ZNF143: variants seen among roughly 807,000 people sequenced by gnomAD.
ZNF143 encodes SPH-binding factor.
A neutral mutation model predicts 74.1 loss-of-function variants in ZNF143; 49 were observed. That is an observed-to-expected ratio of 0.66 (90% confidence interval 0.53 to 0.84). The LOEUF is 0.84. Among genes scored for constraint, ZNF143 ranks in the 40% least tolerant of loss-of-function variants. The pLI is 0.00. For synonymous variants in ZNF143, 304 were observed against 282.8 expected (o/e 1.07, Z -0.75); for missense variants, 637 against 793.4 (o/e 0.80, Z 2.37).
intron 7 of ZNF143, among the ~76,000 whole-genome samples, chr11:9,490,617 A>T (rs916191903): frequency 6.6e-6 from 1 of 151,670 alleles, no homozygotes; most frequent in East Asian, 1.9e-4. Context: ...TGGTATCCAG[A>T]CTCCTCCAGA....
At position 9,500,743 on chromosome 11, in the gene ZNF143, GGTTT is replaced by G. The variant is rs1174479333; in HGVS notation, c.968-344_968-341del. ...GGATACAAGCTTTTAGGGAATTCTG[GGTTT>G]GTTCTAATTTAATTCATATTCCTGA... On this transcript the variant is annotated intron_variant, in intron 10 of 15. Coordinates refer to ENST00000396602, the MANE Select transcript of ZNF143 (RefSeq NM_003442.6). Among the ~76,000 whole-genome samples, 3 of 152,048 alleles carry G rather than the reference GGTTT, an allele frequency of 2.0e-5. No individual in the cohort carries two copies. The East Asian group carries it at 5.8e-4, about 29-fold the overall frequency.
chr11:9,474,642 A>G lies in ZNF143; in HGVS notation c.373+9A>G. 1 of 1,612,756 alleles carries G rather than the reference A, an allele frequency of 6.2e-7. No individual in the cohort carries two copies. Among genetic ancestry groups the G allele is most frequent in the Non-Finnish European group, 8.5e-7 (1 of 1,178,746 alleles). ...TCACCACACCTCCAAAGGTAAAATA[A>G]CTTTGAAAGTATGAATAAAATAAGG... is the stretch of plus-strand genomic sequence containing the variant. On this transcript the variant is annotated intron_variant, in intron 5 of 15. Transcript: ENST00000396602.
Position 9,474,016 on chromosome 11 carries a change from C to T in ZNF143, c.281C>T (p.Pro94Leu), listed in dbSNP as rs1856739114. The change falls in exon 4 of 16, where the codon CCT becomes CTT. Residue 94 changes from proline (P) to leucine (L), a missense_variant. Around this residue, in one of 2 missense-constraint regions of ZNF143, gnomAD observed 293 missense variants for 307.8 expected, o/e 0.95. Transcript: ENST00000396602. ...GCCTATGTTCAACATGTACCCATACCTAAAAGTAGTAAGTATTTAAGATAA... is the reference window on the plus strand; with the variant it reads ...GCCTATGTTCAACATGTACCCATACTTAAAAGTAGTAAGTATTTAAGATAA... ...SAAYVQHVPI[P>L]KSTGDSLRLE... 1 of 1,611,360 alleles carries T rather than the reference C, an allele frequency of 6.2e-7. No individual in the cohort carries two copies. The highest frequency in any genetic ancestry group is 8.5e-7 in the Non-Finnish European group (1 of 1,177,826).
chr11:9,479,520 G>A lies in ZNF143; in HGVS notation c.619G>A (p.Glu207Lys). The A allele has an allele frequency of 6.2e-7, 1 of 1,613,124 alleles. No individual in the cohort carries two copies. Among genetic ancestry groups the A allele is most frequent in the Non-Finnish European group, 8.5e-7 (1 of 1,179,716 alleles). The change falls in exon 7 of 16, where the codon GAA becomes AAA. Residue 207 changes from glutamate (E) to lysine (K), a missense_variant. Glu to Lys is a moderately conservative substitution (Grantham distance 56). Around this residue, in one of 2 missense-constraint regions of ZNF143, gnomAD observed 293 missense variants for 307.8 expected, o/e 0.95. Transcript: ENST00000396602. ...TGTAGCAGGTACTGGAATGATTGGA[G>A]AAAATGAGCAAGAGAAAAAAATGCA... ...ESVAGTGMIGENEQEKKMQIV... is the reference protein window; with the variant it reads ...ESVAGTGMIGKNEQEKKMQIV...
intron 14 of ZNF143, among the ~76,000 whole-genome samples, chr11:9,518,111 A>G (rs1247318655): frequency 6.6e-6 from 1 of 152,256 alleles, no homozygotes; most frequent in Non-Finnish European, 1.5e-5. Flanking sequence ...TGTACAAATC[A>G]TTCCGTTGCT....
At chr11:9,506,200 C>T (rs1423026822) in intron 11 of ZNF143, among the ~76,000 whole-genome samples, 1 of 152,076 alleles carries the variant, frequency 6.6e-6, no homozygotes, top group East Asian at 1.9e-4. Context: ...GGTGTGGTGG[C>T]AGCTGCCTGT....
intron 11 of ZNF143, among the ~76,000 whole-genome samples, chr11:9,508,006 T>C (rs1848422204): frequency 6.6e-6 from 1 of 152,250 alleles, no homozygotes; most frequent in Admixed American, 6.5e-5. Context: ...AAAATATGTG[T>C]ACTGCCTATA....
In ZNF143 at chr11:9,483,288, C is replaced by CTTTTTTTTTTT. The variant is rs58704619; in HGVS notation, c.645+3758_645+3768dup. Among the ~76,000 whole-genome samples the CTTTTTTTTTTT allele has an allele frequency of 8.0e-5, 4 of 50,206 alleles. 2 individuals are homozygous for CTTTTTTTTTTT. The highest frequency in any genetic ancestry group is 1.4e-4 in the Non-Finnish European group (4 of 28,064). The allele number at this position is 50,206 out of a possible 152,430, so 32.9% of individuals were successfully genotyped here. On this transcript the variant is annotated intron_variant, in intron 7 of 15. Coordinates refer to ENST00000396602, the MANE Select transcript of ZNF143 (RefSeq NM_003442.6). ...GGATTACAGGTGTGAGCCAACATGC[C>CTTTTTTTTTTT]TTTTTTTTTTTTTTTTTTTTTTTTT...
At chr11:9,515,040 AT>A (rs1307035763) in intron 13 of ZNF143, among the ~76,000 whole-genome samples, 2 of 151,966 alleles carry the variant, frequency 1.3e-5, no homozygotes, top group Non-Finnish European at 2.9e-5. Context: ...AGGCAGGAGA[AT>A]TGCTTGAATC....
At chr11:9,519,059 A>G (rs1165921737) in intron 14 of ZNF143, among the ~76,000 whole-genome samples, 1 of 152,218 alleles carries the variant, frequency 6.6e-6, no homozygotes, top group African/African-American at 2.4e-5. Context: ...TAAATTTACA[A>G]TTCAATGAGT....
chr11:9,505,878 CAAAAAAA>C (rs1177848404), intron 11 of ZNF143, among the ~76,000 whole-genome samples: 22 of 66,858 alleles, frequency 3.3e-4, no homozygotes, highest in East Asian at 1.2e-3. Context: ...GACTCCATAT[CAAAAAAA>C]AAAAAAAAAA....
intron 8 of ZNF143, among the ~76,000 whole-genome samples, chr11:9,495,242 A>AGAACAGCCTGACCAACATGGTG (rs1847919336): frequency 6.6e-6 from 1 of 152,166 alleles, no homozygotes; most frequent in Non-Finnish European, 1.5e-5. Context: ...TCAGGAGTTC[A>AGAACAGCCTGACCAACATGGTG]AGAACAGCCT....
intron 7 of ZNF143, among the ~76,000 whole-genome samples, chr11:9,488,807 A>G (rs1847660247): frequency 6.6e-6 from 1 of 152,150 alleles, no homozygotes; most frequent in Admixed American, 6.6e-5. Context: ...AGGAAGTGGT[A>G]GGGAGTTATG....
chr11:9,512,837 T>G (rs1233572879), intron 13 of ZNF143, among the ~76,000 whole-genome samples: 1 of 152,028 alleles, frequency 6.6e-6, no homozygotes, highest in East Asian at 1.9e-4. Context: ...ATGATAAAGG[T>G]CAGCCACAGA....
intron 7 of ZNF143, among the ~76,000 whole-genome samples, chr11:9,485,083 CA>C (rs1847416836): frequency 6.6e-6 from 1 of 150,810 alleles, no homozygotes; most frequent in African/African-American, 2.5e-5. Flanking sequence ...AGGCGTGACC[CA>C]CCGCGCCCGG....
chr11:9,508,026 A>T (rs190521421), intron 11 of ZNF143, among the ~76,000 whole-genome samples: 182 of 152,298 alleles, frequency 1.2e-3, no homozygotes, highest in Non-Finnish European at 2.0e-3. Context: ...AATGTTCTCA[A>T]GCTGTTTCAT....
Position 9,476,976 on chromosome 11 carries a change from A to G in ZNF143, c.374-1414A>G, listed in dbSNP as rs181617770. ...GCGGGGTTTCACCGTGTTAGCCAGG[A>G]TGGTCTCGGTCTCCTGACCTTGTGA... On this transcript the variant is annotated intron_variant, in intron 5 of 15. Transcript: ENST00000396602. Among the ~76,000 whole-genome samples, 349 of 150,782 alleles carry G rather than the reference A, an allele frequency of 2.3e-3. 7 individuals carry two copies. Among genetic ancestry groups the G allele is most frequent in the African/African-American group, 7.9e-3 (325 of 41,204 alleles).
At chr11:9,473,156 C>T (rs889760766) in intron 3 of ZNF143, among the ~76,000 whole-genome samples, 2 of 151,840 alleles carry the variant, frequency 1.3e-5, no homozygotes, top group African/African-American at 2.4e-5. Context: ...TTTGGAAGGC[C>T]GAGGCGGGCA....
rs1477531952 is a variant in ZNF143, at chr11:9,486,371, A to ATAATATATTATAT, written c.645+6825_645+6826insTAATATATTATAT. Among the ~76,000 whole-genome samples, 2 of 36,720 alleles carry ATAATATATTATAT rather than the reference A, an allele frequency of 5.4e-5. 1 individual carries two copies. The highest frequency in any genetic ancestry group is 2.5e-4 in the African/African-American group (2 of 7,912). The allele number at this position is 36,720 out of a possible 152,430, so 24.1% of individuals were successfully genotyped here. On this transcript the variant is annotated intron_variant, in intron 7 of 15. Transcript: ENST00000396602. ...TATATATTATATATATATTATATATAATATATTATATATATAATATATATA... is the reference window on the plus strand; with the variant it reads ...TATATATTATATATATATTATATATATAATATATTATATATATATTATATATATAATATATATA...
Sources: allele counts gnomAD v4.1 joint callset (sites outside exome capture counted in the v4.1 genomes callset), GRCh38; gene constraint gnomAD v4.1.1; regional missense constraint gnomAD v4.1.1; transcripts MANE v1.5; gene names NCBI Gene and HGNC (gene_info 2026-07-23, HGNC 2026-07-21).